Variants in TMEM94 observed in about 807,000 individuals in gnomAD.
The protein encoded by TMEM94 is transmembrane protein 94.
Under a neutral mutation model 158.6 loss-of-function variants are expected in TMEM94, and 81 were observed. The observed-to-expected ratio is 0.51, with a 90% CI of 0.43 to 0.61. The LOEUF (loss-of-function observed/expected upper bound fraction) is 0.61, where lower values mean the gene tolerates loss of function less well. TMEM94 is among the 20% of genes least tolerant of loss of function. The pLI, the probability that TMEM94 is intolerant of heterozygous loss-of-function variation, is 0.00. For missense variants in TMEM94, 1,435 were observed against 1,762.0 expected, an observed-to-expected ratio of 0.81 and a Z score of 3.32; for synonymous variants, 751 against 730.7, an observed-to-expected ratio of 1.03 and a Z score of -0.45.
chr17:75,486,404 A>G lies in TMEM94; in HGVS notation c.387A>G (p.Arg129=), dbSNP rs1598388321. 6.2e-7 allele frequency: 1 copy of G among 1,614,192 alleles called. No individual in the cohort carries two copies. The highest frequency in any genetic ancestry group is 1.1e-5 in the South Asian group (1 of 91,080). The change falls in exon 5 of 32, where the codon CGA becomes CGG. Residue 129 remains arginine, a synonymous_variant. Transcript: ENST00000314256. Reference sequence around the variant, plus strand: ...GTCGGGAGGTAGAGCGGAGGCTGCGAGGGATCATTGACCAAATCCAAGGTG... The same window carrying G: ...GTCGGGAGGTAGAGCGGAGGCTGCGGGGGATCATTGACCAAATCCAAGGTG... ...LKRREVERRL[R]GIIDQIQDAL...
intron 1 of TMEM94, among the ~76,000 whole-genome samples, chr17:75,465,673 ATATATAT>A (rs2050279796): frequency 1.2e-5 from 1 of 80,438 alleles, no homozygotes. Flanking sequence ...ATATATATAT[ATATATAT>A]TTTTTTTTAA....
At chr17:75,476,575 C>G in intron 2 of TMEM94, 1 of 1,483,684 alleles carries the variant, frequency 6.7e-7, no homozygotes, top group Non-Finnish European at 8.9e-7. Context: ...CACACACTCT[C>G]AGCTGTCTCC....
chr17:75,457,871 C>G (rs993273897), intron 1 of TMEM94, among the ~76,000 whole-genome samples: 8 of 152,040 alleles, frequency 5.3e-5, no homozygotes, highest in African/African-American at 1.9e-4. Context: ...CTAGGTGTGA[C>G]CTGAGGAGAT....
chr17:75,476,399 C>T, intron 2 of TMEM94: 1 of 754,248 alleles, frequency 1.3e-6, no homozygotes, highest in Non-Finnish European at 1.9e-6. Flanking sequence ...CTCCTGTTTC[C>T]TCCCTCCTTC....
In TMEM94 at chr17:75,495,674, A is replaced by G. The variant is rs1335925315; in HGVS notation, c.2944+31A>G. ...TGCTGTGGCCATGGGTACTTGGGCAACCTGGTCCCGTCGGCTGAGCTCTGC... is the reference window on the plus strand; with the variant it reads ...TGCTGTGGCCATGGGTACTTGGGCAGCCTGGTCCCGTCGGCTGAGCTCTGC... On this transcript the variant is annotated intron_variant, in intron 22 of 31. Transcript: ENST00000314256. The surrounding 1 kb of genome is among the most constrained non-coding windows in gnomAD (Gnocchi z 5.6). 1.9e-6 allele frequency: 3 copies of G among 1,598,338 alleles called. No homozygotes were observed. The highest frequency in any genetic ancestry group is 2.2e-5 in the East Asian group (1 of 44,800).
intron 2 of TMEM94, among the ~76,000 whole-genome samples, chr17:75,482,030 C>T (rs953677615): frequency 2.6e-5 from 4 of 151,674 alleles, no homozygotes; most frequent in African/African-American, 7.3e-5. Flanking sequence ...GGCAACATAT[C>T]GAGGCCCCAT....
chr17:75,467,580 C>T (rs6501807), intron 1 of TMEM94, among the ~76,000 whole-genome samples: 3 of 137,442 alleles, frequency 2.2e-5, no homozygotes, highest in Non-Finnish European at 4.6e-5. Flanking sequence ...GGCCGGACTG[C>T]GGACTGCAGT....
At chr17:75,472,276 T>A (rs1453622987) in intron 2 of TMEM94, among the ~76,000 whole-genome samples, 2 of 152,258 alleles carry the variant, frequency 1.3e-5, no homozygotes, top group Non-Finnish European at 2.9e-5. Context: ...TGAGCCATGC[T>A]GAGGGCTATT....
chr17:75,464,607 CTT>C (rs1567906620), intron 1 of TMEM94, among the ~76,000 whole-genome samples: 13 of 51,442 alleles, frequency 2.5e-4, no homozygotes, highest in African/African-American at 6.7e-4. Context: ...TCTTTCTTTC[CTT>C]CCTTTCTTTC....
chr17:75,493,089 A>G lies in TMEM94; in HGVS notation c.2073A>G (p.Lys691=). 6.2e-7 allele frequency: 1 copy of G among 1,613,168 alleles called. No individual in the cohort carries two copies. The highest frequency in any genetic ancestry group is 8.5e-7 in the Non-Finnish European group (1 of 1,179,940). The change falls in exon 16 of 32, where the codon AAA becomes AAG. Residue 691 remains lysine (K), a synonymous_variant. Coordinates refer to ENST00000314256, the MANE Select transcript of TMEM94 (RefSeq NM_014738.6). ...GCCACATGATCAGCCTCTTCATTAA[A>G]GACACCACCACCAGTGAGCCCTGGC... ...PLSHMISLFI[K]DTTTSTEQML... is the part of the protein sequence containing the mutation.
In TMEM94 at chr17:75,491,291, C is replaced by G. The variant is rs2052157198; in HGVS notation, c.1234-12C>G. ...CCAGGCCCCTTTCCTATCTCAAATGCTTTCCATGCAGGTCCTGTGCTGTGT... is the reference window on the plus strand; with the variant it reads ...CCAGGCCCCTTTCCTATCTCAAATGGTTTCCATGCAGGTCCTGTGCTGTGT... On this transcript the variant is annotated splice_polypyrimidine_tract_variant and intron_variant, in intron 12 of 31. Transcript: ENST00000314256. The surrounding 1 kb of genome is among the most constrained non-coding windows in gnomAD (Gnocchi z 5.1). 6.2e-7 allele frequency: 1 copy of G among 1,613,588 alleles called. No individual in the cohort carries two copies. Among genetic ancestry groups the G allele is most frequent in the African/African-American group, 1.3e-5 (1 of 74,954 alleles).
chr17:75,495,772 G>A lies in TMEM94; in HGVS notation c.2944+129G>A, dbSNP rs1328795523. On this transcript the variant is annotated intron_variant, in intron 22 of 31. Transcript: ENST00000314256. The surrounding 1 kb of genome is among the most constrained non-coding windows in gnomAD (Gnocchi z 5.6). ...GCAGGGAGTAAAGGAACCTGGGCTG[G>A]GATCAGCTGGGGAATCTTGTGGGTT... 8.7e-6 allele frequency: 8 copies of A among 919,940 alleles called. No homozygotes were observed. Among genetic ancestry groups the A allele is most frequent in the Non-Finnish European group, 1.4e-5 (8 of 587,702 alleles). The allele number at this position is 919,940 out of a possible 1,614,324, so 57.0% of individuals were successfully genotyped here.
intron 2 of TMEM94, among the ~76,000 whole-genome samples, chr17:75,478,103 C>T (rs368321965): frequency 8.0e-6 from 1 of 124,708 alleles, no homozygotes; most frequent in Admixed American, 7.9e-5. Flanking sequence ...GCAAGCTCCG[C>T]CTCCCGGGTT....
chr17:75,484,296 GTCCC>G lies in TMEM94; in HGVS notation c.25-1115_25-1112del, dbSNP rs902280326. Among the ~76,000 whole-genome samples, 6 of 149,016 alleles carry G rather than the reference GTCCC, an allele frequency of 4.0e-5. 1 individual carries two copies. Among genetic ancestry groups the G allele is most frequent in the South Asian group, 4.3e-4 (2 of 4,682 alleles). On this transcript the variant is annotated intron_variant, in intron 2 of 31. Coordinates refer to ENST00000314256, the MANE Select transcript of TMEM94 (RefSeq NM_014738.6). Reference sequence around the variant, plus strand: ...TTTTCCCTCCCTGCCCCTTTCTTCCGTCCCTCCCTCCCTCCCTCCCAACCTCCCT... The same window carrying G: ...TTTTCCCTCCCTGCCCCTTTCTTCCGTCCCTCCCTCCCTCCCAACCTCCCT...
Position 75,489,319 on chromosome 17 carries a change from G to T in TMEM94, c.818G>T (p.Arg273Leu). Residue 273 changes from arginine to leucine, a missense_variant, in exon 8 of 32, where the codon CGG becomes CTG. Coordinates refer to ENST00000314256, the MANE Select transcript of TMEM94 (RefSeq NM_014738.6). This position sits in a 1 kb window ranked among gnomAD's most constrained non-coding sequence, Gnocchi z 5.0. ...SRPVTALDNE[R>L]FTVQSVMLHY... is the part of the protein sequence containing the mutation. ...CCAGTCACTGCCCTGGACAATGAGC[G>T]GTTCACAGTGCAGTCGGTGATGCTA... The T allele has an allele frequency of 6.2e-7, 1 of 1,614,216 alleles. No individual in the cohort carries two copies. The highest frequency in any genetic ancestry group is 8.5e-7 in the Non-Finnish European group (1 of 1,180,040).
rs571946047 is a variant in TMEM94 at position 75,481,924 on chromosome 17, C to T, written c.25-3504C>T. 9.2e-5 allele frequency among the ~76,000 whole-genome samples: 14 copies of T among 152,318 alleles called. No homozygotes were observed. The South Asian group carries it at 2.7e-3, about 29-fold the overall frequency. On this transcript the variant is annotated intron_variant, in intron 2 of 31. Coordinates refer to ENST00000314256, the MANE Select transcript of TMEM94 (RefSeq NM_014738.6). Reference sequence around the variant, plus strand: ...GGGGCTCTTCTTTGTCCCAGGGCCTCAGAGCTGGGGTGTGGTGGCTCACGC... The same window carrying T: ...GGGGCTCTTCTTTGTCCCAGGGCCTTAGAGCTGGGGTGTGGTGGCTCACGC...
At chr17:75,470,072 T>C (rs1171589249) in intron 1 of TMEM94, among the ~76,000 whole-genome samples, 1 of 152,086 alleles carries the variant, frequency 6.6e-6, no homozygotes, top group African/African-American at 2.4e-5. Flanking sequence ...AAACTCCGTC[T>C]CAAACAAAAA....
At chr17:75,481,866 A>G (rs969174495) in intron 2 of TMEM94, among the ~76,000 whole-genome samples, 1 of 152,228 alleles carries the variant, frequency 6.6e-6, no homozygotes, top group Non-Finnish European at 1.5e-5. Context: ...GGTCCTGGAA[A>G]GACTCACTTC....
rs1354237744 is a variant in TMEM94 at position 75,489,679 on chromosome 17, C to G, written c.954+17C>G. The G allele has an allele frequency of 1.2e-6, 2 of 1,602,550 alleles. No individual in the cohort carries two copies. Among genetic ancestry groups the G allele is most frequent in the Non-Finnish European group, 1.7e-6 (2 of 1,169,768 alleles). ...CAGCTCCAGGCAAGGACCACCCTGTCCTCTCTGTCATGCTTCCCTCCGACC... is the reference window on the plus strand; with the variant it reads ...CAGCTCCAGGCAAGGACCACCCTGTGCTCTCTGTCATGCTTCCCTCCGACC... On this transcript the variant is annotated intron_variant, in intron 9 of 31. Coordinates refer to ENST00000314256, the MANE Select transcript of TMEM94 (RefSeq NM_014738.6). The surrounding 1 kb of genome is among the most constrained non-coding windows in gnomAD (Gnocchi z 5.0).
Sources: gnomAD v4.1 joint callset for allele counts (sites outside exome capture counted in the v4.1 genomes callset) on GRCh38, gnomAD v4.1.1 for gene constraint, Gnocchi (gnomAD v3.1) non-coding constraint, MANE v1.5 for transcripts, NCBI Gene and HGNC (gene_info 2026-07-23, HGNC 2026-07-21) for gene names.